SLC43A1: variants seen among roughly 807,000 people sequenced by gnomAD.
SLC43A1 encodes large neutral amino acids transporter small subunit 3.
A neutral mutation model predicts 59.5 loss-of-function variants in SLC43A1; 31 were observed. The ratio of observed to expected loss-of-function variants is 0.52; its 90% confidence interval spans 0.39 to 0.70. SLC43A1 has a LOEUF of 0.70. SLC43A1 is among the 30% of genes least tolerant of loss of function. The probability of loss-of-function intolerance (pLI) is 0.00; values close to 1 mark genes in which losing one functional copy is unlikely to be tolerated. For missense variants in SLC43A1, 598 were observed against 717.8 expected, an observed-to-expected ratio of 0.83 and a Z score of 1.91; for synonymous variants, 259 against 290.9, an observed-to-expected ratio of 0.89 and a Z score of 1.12.
intron 10 of SLC43A1, 35 bp downstream of exon 10, chr11:57,491,556 G>A (rs1565126275): frequency 6.2e-7 from 1 of 1,613,280 alleles, no homozygotes. Flanking sequence ...GCAGTGGGGT[G>A]GGCGTGAGCC....
At chr11:57,513,863 G>T in intron 2 of SLC43A1, 95 bp downstream of exon 2, 2 of 982,648 alleles carry the variant, frequency 2.0e-6, no homozygotes, top group Non-Finnish European at 1.6e-6. Context: ...TGCTGACCCT[G>T]CTTTCTGTCC....
chr11:57,489,162 C>T, intron 12 of SLC43A1, 89 bp downstream of exon 12: 4 of 1,524,042 alleles, frequency 2.6e-6, no homozygotes, highest in East Asian at 2.3e-5. Context: ...AAGACCAGAA[C>T]TGCGCTTCCT....
In SLC43A1 at chr11:57,515,185, C is replaced by G; in HGVS notation, c.-14+259G>C. 1 of 428,960 alleles carries G rather than the reference C, an allele frequency of 2.3e-6. No homozygotes were observed. Among genetic ancestry groups the G allele is most frequent in the Non-Finnish European group, 3.1e-6 (1 of 321,236 alleles). The allele number at this position is 428,960 out of a possible 1,614,324, so 26.6% of individuals were successfully genotyped here. On this transcript the variant is annotated intron_variant, in intron 1 of 14. Transcript: ENST00000278426. The surrounding 1 kb of genome is among the most constrained non-coding windows in gnomAD (Gnocchi z 5.3). ...GCGCTCCAGGAGGTCCGCTGGAACTCTGGCAAACGCGCAGCTCTAAGCAGA... is the reference window on the plus strand; with the variant it reads ...GCGCTCCAGGAGGTCCGCTGGAACTGTGGCAAACGCGCAGCTCTAAGCAGA...
intron 13 of SLC43A1, among the ~76,000 whole-genome samples, chr11:57,488,276 G>A (rs898754349): frequency 6.6e-6 from 1 of 152,192 alleles, no homozygotes; most frequent in African/African-American, 2.4e-5. Context: ...GCTGCTGGCT[G>A]TACTGAGGAC....
intron 2 of SLC43A1, among the ~76,000 whole-genome samples, chr11:57,508,267 C>A (rs1365119775): frequency 7.6e-4 from 106 of 138,584 alleles, no homozygotes; most frequent in East Asian, 8.2e-4. Context: ...ATTCCATCTC[C>A]AAAAAAAAAA....
chr11:57,487,268 G>A (rs1294608037), intron 13 of SLC43A1, 50 bp from the exon 14 acceptor site: 1 of 1,589,988 alleles, frequency 6.3e-7, no homozygotes, highest in Non-Finnish European at 8.6e-7. Flanking sequence ...CTCCAGCCCA[G>A]GCCAGCACCT....
rs920717804 is a variant in SLC43A1 at position 57,514,740 on chromosome 11, C to A, written c.-13-616G>T. 3.0e-5 allele frequency: 25 copies of A among 829,766 alleles called. No homozygotes were observed. In the African/African-American group the frequency reaches 3.9e-4, roughly 13 times the overall value. The allele number at this position is 829,766 out of a possible 1,614,324, so 51.4% of individuals were successfully genotyped here. Reference sequence around the variant, plus strand: ...CACGTGGAGGGAGACCCAGGACGGGCTCTCCTCGGTTCCCTCCTCCCCCGC... The same window carrying A: ...CACGTGGAGGGAGACCCAGGACGGGATCTCCTCGGTTCCCTCCTCCCCCGC... On this transcript the variant is annotated intron_variant, in intron 1 of 14. Transcript: ENST00000278426. The surrounding 1 kb of genome is among the most constrained non-coding windows in gnomAD (Gnocchi z 5.5).
At chr11:57,493,847 T>C in intron 8 of SLC43A1, 146 bp downstream of exon 8, 1 of 714,192 alleles carries the variant, frequency 1.4e-6, no homozygotes, top group Non-Finnish European at 2.2e-6. Flanking sequence ...TGCCCATCTG[T>C]AAATGAGGAG....
chr11:57,504,560 GAGT>G lies in SLC43A1; in HGVS notation c.155-3234_155-3232del, dbSNP rs534586879. ...AATCCATGCAATAACCCTAAAGGGTGAGTACAATGGTCCCCATTTTATAAATGG... is the reference window on the plus strand; with the variant it reads ...AATCCATGCAATAACCCTAAAGGGTGACAATGGTCCCCATTTTATAAATGG... On this transcript the variant is annotated intron_variant, in intron 2 of 14. Coordinates refer to ENST00000278426, the MANE Select transcript of SLC43A1 (RefSeq NM_003627.6). 9.8e-5 allele frequency among the ~76,000 whole-genome samples: 15 copies of G among 152,342 alleles called. No individual in the cohort carries two copies. The East Asian group carries it at 2.3e-3, about 24-fold the overall frequency.
At chr11:57,487,878 C>T (rs1344486748) in intron 13 of SLC43A1, among the ~76,000 whole-genome samples, 1 of 152,000 alleles carries the variant, frequency 6.6e-6, no homozygotes, top group Non-Finnish European at 1.5e-5. Flanking sequence ...CTAGTACATG[C>T]AAAGATGCCA....
Position 57,484,976 on chromosome 11 carries a change from TTTATAAATC to T in SLC43A1, c.*111_*119del, listed in dbSNP as rs1943688746. 8.3e-7 allele frequency: 1 copy of T among 1,202,770 alleles called. No homozygotes were observed. Among genetic ancestry groups the T allele is most frequent in the African/African-American group, 1.5e-5 (1 of 65,666 alleles). 74.5% of individuals were successfully genotyped at this position (1,202,770 alleles called of 1,614,324 possible). A position where few individuals can be genotyped will look rare whatever the true frequency, so the allele number is the denominator to read the frequency against. Reference sequence around the variant, plus strand: ...TACAAAAATAGAACTTCTCTTGGTATTTATAAATCTACGGCCATGGCTCTATGTGCATGT... The same window carrying T: ...TACAAAAATAGAACTTCTCTTGGTATTACGGCCATGGCTCTATGTGCATGT... On this transcript the variant is annotated 3_prime_UTR_variant, in exon 15 of 15. Coordinates refer to ENST00000278426, the MANE Select transcript of SLC43A1 (RefSeq NM_003627.6).
In SLC43A1 at chr11:57,514,163, T is replaced by C; in HGVS notation, c.-13-39A>G. 6.5e-7 allele frequency: 1 copy of C among 1,527,264 alleles called. No individual in the cohort carries two copies. The highest frequency in any genetic ancestry group is 8.7e-7 in the Non-Finnish European group (1 of 1,143,692). 94.6% of individuals were successfully genotyped at this position (1,527,264 alleles called of 1,614,324 possible). A position where few individuals can be genotyped will look rare whatever the true frequency, so the allele number is the denominator to read the frequency against. ...GAGCGCTGGGTGAAGGGCCCCCCAG[T>C]GGCCCCAGGGAAGGGTCCTGCATCA... On this transcript the variant is annotated intron_variant, in intron 1 of 14. Transcript: ENST00000278426. This position sits in a 1 kb window ranked among gnomAD's most constrained non-coding sequence, Gnocchi z 5.5.
chr11:57,488,998 A>G lies in SLC43A1; in HGVS notation c.1336-9T>C. On this transcript the variant is annotated splice_polypyrimidine_tract_variant and intron_variant, in intron 12 of 14. Coordinates refer to ENST00000278426, the MANE Select transcript of SLC43A1 (RefSeq NM_003627.6). ...AGGACAAAGGTCACAAACTAAAACCAAAAAGAGAGAGTGAAGAGGTTAGGA... is the reference window on the plus strand; with the variant it reads ...AGGACAAAGGTCACAAACTAAAACCGAAAAGAGAGAGTGAAGAGGTTAGGA... 1 of 1,613,304 alleles carries G rather than the reference A, an allele frequency of 6.2e-7. No homozygotes were observed. Among genetic ancestry groups the G allele is most frequent in the Non-Finnish European group, 8.5e-7 (1 of 1,179,174 alleles).
chr11:57,487,099 A>G lies in SLC43A1; in HGVS notation c.1529T>C (p.Phe510Ser). The change falls in exon 14 of 15, where the codon TTC becomes TCC. Residue 510 changes from phenylalanine (F) to serine (S), a missense_variant. Transcript: ENST00000278426. Reference protein sequence around the residue: ...AMVGPLKGEPFWVNLGLLLFS... With the variant: ...AMVGPLKGEPSWVNLGLLLFS... ...CACACCAACCCTCGCTCTCACCCAG[A>G]AGGGCTCTCCTTTCAGGGGTCCCAC... The G allele has an allele frequency of 1.2e-6, 2 of 1,613,848 alleles. No homozygotes were observed. Among genetic ancestry groups the G allele is most frequent in the Non-Finnish European group, 1.7e-6 (2 of 1,179,924 alleles).
rs1590772475 is a variant in SLC43A1, at chr11:57,504,060, G to A, written c.155-2731C>T. Among the ~76,000 whole-genome samples the A allele has an allele frequency of 3.3e-5, 5 of 152,224 alleles. No homozygotes were observed. The South Asian group carries it at 1.0e-3, about 32-fold the overall frequency. ...TACAAAAAAAAAATTAGCCGGGCGTGGTGGTGGGCGCCCGTAGTCCCAGCT... is the reference window on the plus strand; with the variant it reads ...TACAAAAAAAAAATTAGCCGGGCGTAGTGGTGGGCGCCCGTAGTCCCAGCT... On this transcript the variant is annotated intron_variant, in intron 2 of 14. Coordinates refer to ENST00000278426, the MANE Select transcript of SLC43A1 (RefSeq NM_003627.6).
intron 8 of SLC43A1, among the ~76,000 whole-genome samples, chr11:57,493,204 A>T (rs1943986063): frequency 6.6e-6 from 1 of 152,222 alleles, no homozygotes; most frequent in Non-Finnish European, 1.5e-5. Context: ...GACTTGCTCA[A>T]GCTCACAGGG....
chr11:57,501,168 C>A lies in SLC43A1; in HGVS notation c.316G>T (p.Val106Leu), dbSNP rs747650715. ...ILMDRFGPRP[V>L]RLVGSACFTA... The stretch of plus-strand genomic sequence containing the variant: ...CCACCTCACCTGCCAACCAGCCGCA[C>A]GGGTCGGGGGCCAAAGCGGTCCATG... Residue 106 changes from valine (V) to leucine (L), a missense_variant, in exon 3 of 15, where the codon GTG becomes TTG. Coordinates refer to ENST00000278426, the MANE Select transcript of SLC43A1 (RefSeq NM_003627.6). 2.5e-6 allele frequency: 4 copies of A among 1,612,416 alleles called. No individual in the cohort carries two copies. Among genetic ancestry groups the A allele is most frequent in the Non-Finnish European group, 1.7e-6 (2 of 1,179,934 alleles).
intron 5 of SLC43A1, among the ~76,000 whole-genome samples, chr11:57,498,900 G>A (rs551623007): frequency 6.6e-6 from 1 of 152,206 alleles, no homozygotes; most frequent in East Asian, 1.9e-4. Context: ...CCCTCCTCTG[G>A]CCCCACCATC....
Position 57,501,025 on chromosome 11 carries a change from G to A in SLC43A1, c.351C>T (p.Ser117=), listed in dbSNP as rs371888745. 2.5e-6 allele frequency: 4 copies of A among 1,602,400 alleles called. No homozygotes were observed. The highest frequency in any genetic ancestry group is 3.4e-6 in the Non-Finnish European group (4 of 1,174,312). The change falls in exon 4 of 15, where the codon TCC becomes TCT. Residue 117 remains serine (S), a synonymous_variant. Transcript: ENST00000278426. Reference sequence around the variant, plus strand: ...GGGAGGCCAGGGCCATGAGGGTGCAGGACGCAGTGAAGCAGGCACTGTGGA... The same window carrying A: ...GGGAGGCCAGGGCCATGAGGGTGCAAGACGCAGTGAAGCAGGCACTGTGGA... ...RLVGSACFTA[S]CTLMALASRD...
Sources: gnomAD v4.1 joint callset for allele counts (sites outside exome capture counted in the v4.1 genomes callset) on GRCh38, gnomAD v4.1.1 for gene constraint, Gnocchi (gnomAD v3.1) non-coding constraint, MANE v1.5 for transcripts, NCBI Gene and HGNC (gene_info 2026-07-23, HGNC 2026-07-21) for gene names.